PIEZO1: variants seen among roughly 807,000 people sequenced by gnomAD.
PIEZO1 encodes the protein piezo-type mechanosensitive ion channel component 1.
Under a neutral mutation model 297.2 loss-of-function variants are expected in PIEZO1, and 296 were observed. The ratio of observed to expected loss-of-function variants is 1.00; its 90% CI spans 0.91 to 1.10. The LOEUF (loss-of-function observed/expected upper bound fraction) is 1.10. Ranked by LOEUF, PIEZO1 falls within the 50% of genes least tolerant of loss-of-function variation. The probability of loss-of-function intolerance (pLI) is 0.00; values close to 1 mark genes in which losing one functional copy is unlikely to be tolerated. For synonymous variants in PIEZO1, 2,427 were observed against 1,507.5 expected, an observed-to-expected ratio of 1.61 and a Z score of -14.13; for missense variants, 5,018 against 3,455.5, an observed-to-expected ratio of 1.45 and a Z score of -11.34.
chr16:88,737,535 T>C (rs1370212988), intron 10 of PIEZO1, 24 bp downstream of exon 10: 1 of 1,482,234 alleles, frequency 6.7e-7, no homozygotes, highest in Non-Finnish European at 9.1e-7. Context: ...CACCCAGCCA[T>C]ACCTTGCAGT....
rs777901740 is a variant in PIEZO1 at position 88,723,323 on chromosome 16, C to T, written c.4341G>A (p.Ala1447=). 97 of 1,537,818 alleles carry T rather than the reference C, an allele frequency of 6.3e-5. No individual in the cohort carries two copies. The highest frequency in any genetic ancestry group is 2.9e-4 in the South Asian group (24 of 84,042). ...RPSAQSAFQL[A]YQAWVTNAQA... Reference sequence around the variant, plus strand: ...GGGCGTTGGTCACCCATGCCTGGTACGCCAGCTGTCGGCCAGCCCCCGGGT... The same window carrying T: ...GGGCGTTGGTCACCCATGCCTGGTATGCCAGCTGTCGGCCAGCCCCCGGGT... The change falls in exon 32 of 51, where the codon GCG becomes GCA. Residue 1447 remains alanine, a synonymous_variant. Transcript: ENST00000301015.
In PIEZO1 at chr16:88,725,382, G is replaced by A. The variant is rs371511374; in HGVS notation, c.4162+34C>T. 260 of 1,258,342 alleles carry A rather than the reference G, an allele frequency of 2.1e-4. 2 individuals carry two copies. In the South Asian group the frequency reaches 3.2e-3, roughly 15 times the overall value. 77.9% of individuals were successfully genotyped at this position (1,258,342 alleles called of 1,614,324 possible). ...CAGCAGGCACAGACATGCTGGACAC[G>A]GGGCCCTGGGTGCCCGACTCCAGCT... On this transcript the variant is annotated intron_variant, in intron 29 of 50. Coordinates refer to ENST00000301015, the MANE Select transcript of PIEZO1 (RefSeq NM_001142864.4).
chr16:88,740,979 TAGCAGCTA>T (rs1317828433), intron 5 of PIEZO1: 1 of 153,378 alleles, frequency 6.5e-6, no homozygotes, highest in Admixed American at 6.5e-5. Context: ...CCAAGTCTTG[TAGCAGCTA>T]AAGTTCACTC....
Position 88,719,622 on chromosome 16 carries a change from G to A in PIEZO1, c.6423C>T (p.Asp2141=), listed in dbSNP as rs776072397. The A allele has an allele frequency of 1.1e-4, 173 of 1,552,510 alleles. No individual in the cohort carries two copies. The highest frequency in any genetic ancestry group is 1.4e-4 in the Non-Finnish European group (157 of 1,148,076). ...TGATGATGAAGATGTTGGCATAGAT[G>A]TCCTCCACACACATCCAGCTGGACA... is the stretch of plus-strand genomic sequence containing the variant. ...LSLSSWMCVE[D]IYANIFIIKC... The change falls in exon 44 of 51, where the codon GAC becomes GAT. Residue 2141 remains aspartate (D), a synonymous_variant. Transcript: ENST00000301015.
rs753296407 is a variant in PIEZO1 at position 88,720,640 on chromosome 16, C to A, written c.5777G>T (p.Arg1926Leu). 1.0e-5 allele frequency: 16 copies of A among 1,546,920 alleles called. No homozygotes were observed. In the East Asian group the frequency reaches 3.7e-4, roughly 35 times the overall value. Residue 1926 changes from arginine (R) to leucine (L), a missense_variant, in exon 40 of 51, where the codon CGG (arginine) becomes CTG (leucine). Transcript: ENST00000301015. Reference sequence around the variant, plus strand: ...CAGGGACAGGCAGAAGCCCTGCAGCCGCCGCCCGGCCGCCCTTACTCTTCC... The same window carrying A: ...CAGGGACAGGCAGAAGCCCTGCAGCAGCCGCCCGGCCGCCCTTACTCTTCC... ...SGGRVRAAGR[R>L]LQGFCLSLAQ... is the part of the protein sequence containing the mutation.
rs993658851 is a variant in PIEZO1 at position 88,716,586 on chromosome 16, G to T, written c.6899C>A (p.Thr2300Asn). Residue 2300 changes from threonine to asparagine, a missense_variant, in exon 47 of 51, where the codon ACC becomes AAC. By Grantham distance (65) the Thr-to-Asn change is moderately conservative. Coordinates refer to ENST00000301015, the MANE Select transcript of PIEZO1 (RefSeq NM_001142864.4). ...RELYNGTADI[T>N]LRFTWNFQRD... Reference sequence around the variant, plus strand: ...CTGGAAGTTCCAGGTGAAGCGCAGGGTGATGTCGGCCGTGCCGTTGTAGAG... The same window carrying T: ...CTGGAAGTTCCAGGTGAAGCGCAGGTTGATGTCGGCCGTGCCGTTGTAGAG... 6.5e-7 allele frequency: 1 copy of T among 1,547,316 alleles called. No individual in the cohort carries two copies. The highest frequency in any genetic ancestry group is 1.2e-5 in the South Asian group (1 of 83,688).
At position 88,719,920 on chromosome 16, in the gene PIEZO1, C is replaced by T. The variant is rs199752762; in HGVS notation, c.6205G>A (p.Val2069Met). 911 of 1,550,408 alleles carry T rather than the reference C, an allele frequency of 5.9e-4. 5 individuals carry two copies. In the Middle Eastern group the frequency reaches 8.3e-3, roughly 14 times the overall value. Reference sequence around the variant, plus strand: ...GACAGGGCGAAGTAGATGCACTTCACGAAGTACCAGAGCTGGGCCACCACA... The same window carrying T: ...GACAGGGCGAAGTAGATGCACTTCATGAAGTACCAGAGCTGGGCCACCACA... ...QNVVAQLWYF[V>M]KCIYFALSAY... Residue 2069 changes from valine to methionine, a missense_variant, in exon 43 of 51, where the codon GTG becomes ATG. Transcript: ENST00000301015.
In PIEZO1 at chr16:88,725,494, C is replaced by T. The variant is rs1597448735; in HGVS notation, c.4084G>A (p.Glu1362Lys). The T allele has an allele frequency of 2.0e-6, 3 of 1,528,066 alleles. No individual in the cohort carries two copies. The highest frequency in any genetic ancestry group is 2.5e-5 in the East Asian group (1 of 40,502). 94.7% of individuals were successfully genotyped at this position (1,528,066 alleles called of 1,614,324 possible). The change falls in exon 29 of 51, where the codon GAG becomes AAG. Residue 1362 changes from glutamate to lysine, a missense_variant. Coordinates refer to ENST00000301015, the MANE Select transcript of PIEZO1 (RefSeq NM_001142864.4). ...RQMERIRAKQ[E>K]KHRQGRVDRS... ...TCCACCCGGCCCTGCCTGTGCTTCT[C>T]CTGCTTGGCACGGATACGCTCCATC...
At chr16:88,741,228 G>C (rs374647923) in intron 5 of PIEZO1, 4 of 451,920 alleles carry the variant, frequency 8.9e-6, no homozygotes, top group African/African-American at 8.0e-5. Flanking sequence ...GAGTTCCTAA[G>C]GGCACAGATG....
Position 88,733,672 on chromosome 16 carries a change from G to T in PIEZO1, c.2403C>A (p.Arg801=), listed in dbSNP as rs375353698. ...GCAGCCGCCGCAGGAACACCTGCAC[G>T]CGTGAGAGGACGTCCGAGAAGCCGG... ...LAAGFSDVLS[R]VQVFLRRLLE... is the part of the protein sequence containing the mutation. The change falls in exon 18 of 51, where the codon CGC becomes CGA. Residue 801 remains arginine, a synonymous_variant. Coordinates refer to ENST00000301015, the MANE Select transcript of PIEZO1 (RefSeq NM_001142864.4). 6.5e-7 allele frequency: 1 copy of T among 1,549,588 alleles called. No homozygotes were observed. The highest frequency in any genetic ancestry group is 1.4e-5 in the African/African-American group (1 of 73,036).
rs1160916159 is a variant in PIEZO1 at position 88,717,215 on chromosome 16, G to A, written c.6472-4C>T. ...GCCCTTTGGGCTGCGGGTATTTCTG[G>A]AGGGGAACGACACAGGTCATACGCT... On this transcript the variant is annotated splice_region_variant and splice_polypyrimidine_tract_variant and intron_variant, in intron 44 of 50. Transcript: ENST00000301015. The A allele has an allele frequency of 6.5e-7, 1 of 1,547,216 alleles. No individual in the cohort carries two copies. The highest frequency in any genetic ancestry group is 2.4e-5 in the East Asian group (1 of 40,936).
intron 1 of PIEZO1, among the ~76,000 whole-genome samples, chr16:88,777,367 A>G (rs1410903153): frequency 6.6e-6 from 1 of 152,196 alleles, no homozygotes; most frequent in African/African-American, 2.4e-5. Flanking sequence ...CAGGCCGCCC[A>G]TTGCAGGGTC....
chr16:88,731,367 T>G (rs1004106782), intron 22 of PIEZO1: 3 of 293,686 alleles, frequency 1.0e-5, no homozygotes, highest in African/African-American at 4.3e-5. Context: ...AGGCAGCACT[T>G]GGGTGTGAGG....
chr16:88,731,891 A>C lies in PIEZO1; in HGVS notation c.3011T>G (p.Val1004Gly). 3 of 481,444 alleles carry C rather than the reference A, an allele frequency of 6.2e-6. No individual in the cohort carries two copies. The highest frequency in any genetic ancestry group is 7.8e-6 in the Non-Finnish European group (3 of 386,826). 29.8% of individuals were successfully genotyped at this position (481,444 alleles called of 1,614,324 possible). ...GTTCATGCGCTGCCCGATCACGTTC[A>C]CGGCCATCAGGAAGCAGATCTGGGG... is the stretch of plus-strand genomic sequence containing the variant. ...FGLEICFLMA[V>G]NVIGQRMNFL... The change falls in exon 22 of 51, where the codon GTG becomes GGG. Residue 1004 changes from valine to glycine, a missense_variant. Transcript: ENST00000301015.
rs372159659 is a variant in PIEZO1 at position 88,721,601 on chromosome 16, G to A, written c.5340C>T (p.Asp1780=). Residue 1780 remains aspartate, a synonymous_variant, in exon 38 of 51, where the codon GAC becomes GAT. Coordinates refer to ENST00000301015, the MANE Select transcript of PIEZO1 (RefSeq NM_001142864.4). ...GCACCAGGTCGTACTTGATGTAGCC[G>A]TCAGTCTTCTCCAGGCCCAGGATGC... ...PPRILGLEKT[D]GYIKYDLVQL... is the part of the protein sequence containing the mutation. The A allele has an allele frequency of 1.1e-4, 166 of 1,550,162 alleles. No homozygotes were observed. Among genetic ancestry groups the A allele is most frequent in the African/African-American group, 4.8e-4 (35 of 73,050 alleles).
chr16:88,772,617 A>G (rs1397870165), intron 1 of PIEZO1, among the ~76,000 whole-genome samples: 1 of 152,118 alleles, frequency 6.6e-6, no homozygotes, highest in Non-Finnish European at 1.5e-5. Context: ...CGTCTCTACT[A>G]AAAATACAAA....
At chr16:88,730,916 A>G (rs1203367824) in intron 22 of PIEZO1, among the ~76,000 whole-genome samples, 2 of 152,222 alleles carry the variant, frequency 1.3e-5, no homozygotes, top group Non-Finnish European at 2.9e-5. Context: ...TCTGTTTCGT[A>G]AAACCACAAG....
At position 88,725,579 on chromosome 16, in the gene PIEZO1, C is replaced by T; in HGVS notation, c.4058+16G>A. The stretch of plus-strand genomic sequence containing the variant: ...GGGGGGAGGAGCCGGGGAGTCCCCG[C>T]CCCAGAGGCACCTACTGTCTTTTCA... On this transcript the variant is annotated intron_variant, in intron 28 of 50. Coordinates refer to ENST00000301015, the MANE Select transcript of PIEZO1 (RefSeq NM_001142864.4). The T allele has an allele frequency of 1.9e-6, 3 of 1,538,862 alleles. No homozygotes were observed. The highest frequency in any genetic ancestry group is 1.2e-5 in the South Asian group (1 of 83,778).
rs1399129965 is a variant in PIEZO1 at position 88,735,017 on chromosome 16, C to T, written c.1706G>A (p.Gly569Glu). 6.4e-6 allele frequency: 10 copies of T among 1,550,508 alleles called. 1 individual carries two copies. The South Asian group carries it at 1.2e-4, about 18-fold the overall frequency. ...GGCGTACACGCCCTTCACCAGCTCC[C>T]CCAGGCTCTGCAACAGCGTCTGCGT... ...TRTQTLLQSL[G>E]ELVKGVYAKY... The change falls in exon 14 of 51, where the codon GGG (glycine) becomes GAG (glutamate). Residue 569 changes from glycine (G) to glutamate (E), a missense_variant. By Grantham distance (98) the Gly-to-Glu change is moderately conservative. Transcript: ENST00000301015.
Sources: allele counts gnomAD v4.1 joint callset (sites outside exome capture counted in the v4.1 genomes callset), GRCh38; gene constraint gnomAD v4.1.1; transcripts MANE v1.5; gene names NCBI Gene and HGNC (gene_info 2026-07-23, HGNC 2026-07-21).